PDE9A: variants seen among roughly 807,000 people sequenced by gnomAD.
PDE9A encodes phosphodiesterase 9A, also known as high affinity cGMP-specific 3',5'-cyclic phosphodiesterase 9A.
PDE9A carries 60 observed loss-of-function variants against 87.4 expected under a neutral mutation model. The ratio of observed to expected loss-of-function variants is 0.69; its 90% CI spans 0.56 to 0.85. The LOEUF (loss-of-function observed/expected upper bound fraction) is 0.85. PDE9A is among the 40% of genes least tolerant of loss of function. PDE9A has a pLI of 0.00. For missense variants in PDE9A, 665 were observed against 779.0 expected, an observed-to-expected ratio of 0.85 and a Z score of 1.74; for synonymous variants, 272 against 279.4, an observed-to-expected ratio of 0.97 and a Z score of 0.27.
Position 42,775,184 on chromosome 21 carries a change from C to T in PDE9A, c.1769-96C>T, listed in dbSNP as rs2057397354. 6.1e-6 allele frequency: 7 copies of T among 1,151,918 alleles called. No individual in the cohort carries two copies. The South Asian group carries it at 9.3e-5, about 15-fold the overall frequency. 71.4% of individuals were successfully genotyped at this position (1,151,918 alleles called of 1,614,324 possible). ...CTCGAACTCCTGACCTCGTGATCCA[C>T]CCACCTTGGTCTCTCAAAGTGCTGG... is the stretch of plus-strand genomic sequence containing the variant. On this transcript the variant is annotated intron_variant, in intron 19 of 19. Coordinates refer to ENST00000291539, the MANE Select transcript of PDE9A (RefSeq NM_002606.3).
chr21:42,766,231 G>A (rs760372252), intron 15 of PDE9A, among the ~76,000 whole-genome samples: 4 of 152,208 alleles, frequency 2.6e-5, no homozygotes, highest in Non-Finnish European at 5.9e-5. Flanking sequence ...GGGAGGCAGA[G>A]GTGGGAGGAT....
intron 18 of PDE9A, 41 bp downstream of exon 18, chr21:42,770,839 C>T: frequency 6.7e-7 from 1 of 1,486,386 alleles, no homozygotes; most frequent in Non-Finnish European, 9.4e-7. Flanking sequence ...TTGCGGCAAG[C>T]AGGCACGCTG....
chr21:42,774,100 G>A (rs76890375), intron 19 of PDE9A, among the ~76,000 whole-genome samples: 10,764 of 151,398 alleles, frequency 0.071, 401 homozygotes, highest in East Asian at 0.1. Flanking sequence ...AAATAAATAA[G>A]TAAATAATAA....
chr21:42,763,069 A>G (rs1200205165), intron 14 of PDE9A, among the ~76,000 whole-genome samples: 1 of 152,142 alleles, frequency 6.6e-6, no homozygotes, highest in African/African-American at 2.4e-5. Context: ...TATCTGCGTG[A>G]GAGGAAGATG....
intron 6 of PDE9A, among the ~76,000 whole-genome samples, chr21:42,732,913 A>AAAAAC (rs1193126195): frequency 2.6e-5 from 4 of 152,244 alleles, no homozygotes; most frequent in East Asian, 1.9e-4. Flanking sequence ...CTCTGTCTCA[A>AAAAAC]AAAACAAAAC....
intron 1 of PDE9A, among the ~76,000 whole-genome samples, chr21:42,676,987 G>T (rs192607304): frequency 6.6e-6 from 1 of 152,150 alleles, no homozygotes; most frequent in Admixed American, 6.5e-5. Context: ...GGGGCCCAGC[G>T]TCCGGCCTCA....
At chr21:42,686,309 T>G in intron 2 of PDE9A, 47 bp downstream of exon 2, 2 of 1,510,144 alleles carry the variant, frequency 1.3e-6, no homozygotes, top group Non-Finnish European at 1.8e-6. Context: ...CGCGGCCTCC[T>G]CGCCTTTTCG....
chr21:42,751,745 T>C (rs1014686640), intron 9 of PDE9A, among the ~76,000 whole-genome samples: 34 of 5,572 alleles, frequency 6.1e-3, no homozygotes, highest in African/African-American at 7.5e-3. Flanking sequence ...GCCCACCTGC[T>C]TTTTTTTTTT....
chr21:42,775,229 C>T (rs764911520), intron 19 of PDE9A, 51 bp from the exon 20 acceptor site: 34 of 1,599,356 alleles, frequency 2.1e-5, no homozygotes, highest in South Asian at 2.1e-4. Context: ...TGTGAGCCAC[C>T]GCGCCCTAAT....
At position 42,659,894 on chromosome 21, in the gene PDE9A, G is replaced by C. The variant is rs145831768; in HGVS notation, c.69+6011G>C. On this transcript the variant is annotated intron_variant, in intron 1 of 19. Coordinates refer to ENST00000291539, the MANE Select transcript of PDE9A (RefSeq NM_002606.3). The surrounding 1 kb of genome is among the most constrained non-coding windows in gnomAD (Gnocchi z 4.1). ...ATCTAGCGCAGAGGAAGGGCACACT[G>C]TCCCCGTCAGACGCCTCAGATGAAC... is the stretch of plus-strand genomic sequence containing the variant. Among the ~76,000 whole-genome samples, 404 of 152,334 alleles carry C rather than the reference G, an allele frequency of 2.7e-3. No individual in the cohort carries two copies. Among genetic ancestry groups the C allele is most frequent in the Non-Finnish European group, 4.5e-3 (307 of 68,030 alleles).
chr21:42,743,955 A>G (rs2053580078), intron 8 of PDE9A, 95 bp downstream of exon 8: 1 of 755,908 alleles, frequency 1.3e-6, no homozygotes, highest in East Asian at 2.7e-5. Context: ...CCTAAAAGAA[A>G]GGCTGGTGCA....
At chr21:42,743,607 C>T (rs1248478883) in intron 7 of PDE9A, among the ~76,000 whole-genome samples, 169 bp from the exon 8 acceptor site, 1 of 152,166 alleles carries the variant, frequency 6.6e-6, no homozygotes, top group Non-Finnish European at 1.5e-5. Flanking sequence ...GAGCTAAGCG[C>T]GGAAGTGCAG....
rs915734510 is a variant in PDE9A at position 42,692,398 on chromosome 21, C to A, written c.218+4404C>A. Among the ~76,000 whole-genome samples, 1 of 152,196 alleles carries A rather than the reference C, an allele frequency of 6.6e-6. No individual in the cohort carries two copies. The highest frequency in any genetic ancestry group is 1.5e-5 in the Non-Finnish European group (1 of 68,038). ...AGGACAGGCCCACAACAATGACACA[C>A]GTGGCCGGAGACATCAGCGGTGCTG... On this transcript the variant is annotated intron_variant, in intron 3 of 19. Coordinates refer to ENST00000291539, the MANE Select transcript of PDE9A (RefSeq NM_002606.3). The surrounding 1 kb of genome is among the most constrained non-coding windows in gnomAD (Gnocchi z 4.3).
chr21:42,697,481 G>A (rs752376631), intron 3 of PDE9A: 28 of 1,596,592 alleles, frequency 1.8e-5, no homozygotes, highest in South Asian at 7.7e-5. Flanking sequence ...AGTCATGGGC[G>A]TCCCACCAGG....
intron 15 of PDE9A, among the ~76,000 whole-genome samples, chr21:42,767,106 G>A (rs2056484587): frequency 6.6e-6 from 1 of 151,994 alleles, no homozygotes; most frequent in Non-Finnish European, 1.5e-5. Context: ...TCACTGCTAC[G>A]GAGCCCCAGA....
intron 17 of PDE9A, among the ~76,000 whole-genome samples, chr21:42,769,759 T>C (rs1043795668): frequency 1.5e-5 from 1 of 65,614 alleles, no homozygotes; most frequent in Admixed American, 1.4e-4. Context: ...CACACAGGTA[T>C]GCACATGCAC....
intron 14 of PDE9A, among the ~76,000 whole-genome samples, chr21:42,763,066 G>T (rs1013452727): frequency 6.6e-6 from 1 of 152,152 alleles, no homozygotes; most frequent in African/African-American, 2.4e-5. Flanking sequence ...GGATATCTGC[G>T]TGAGAGGAAG....
intron 1 of PDE9A, among the ~76,000 whole-genome samples, chr21:42,668,738 C>A (rs115070400): frequency 0.032 from 4,829 of 152,276 alleles, 244 homozygotes; most frequent in African/African-American, 0.11. Flanking sequence ...CGCGCAGATG[C>A]CGGCGCGGGG....
chr21:42,724,526 C>G, intron 4 of PDE9A: 2 of 942,744 alleles, frequency 2.1e-6, no homozygotes, highest in Non-Finnish European at 2.5e-6. Context: ...GGCCTTTGTG[C>G]ACACTGGTGG....
Sources: allele counts gnomAD v4.1 joint callset (sites outside exome capture counted in the v4.1 genomes callset), GRCh38; gene constraint gnomAD v4.1.1; non-coding constraint Gnocchi (gnomAD v3.1); transcripts MANE v1.5; gene names NCBI Gene and HGNC (gene_info 2026-07-23, HGNC 2026-07-21).